MECOM: variants seen among roughly 807,000 people sequenced by gnomAD.
The protein encoded by MECOM is MDS1 and EVI1 complex locus.
In MECOM, 13 loss-of-function variants were observed where a neutral mutation model predicts 116.3. The observed-to-expected ratio is 0.11, with a 90% CI of 0.07 to 0.18. The LOEUF is 0.18. Ranked by LOEUF, MECOM falls within the 10% of genes least tolerant of loss-of-function variation. The pLI, the probability that MECOM is intolerant of heterozygous loss-of-function variation, is 1.00. For synonymous variants in MECOM, 528 were observed against 535.2 expected, an observed-to-expected ratio of 0.99 and a Z score of 0.19; for missense variants, 1,299 against 1,509.0, an observed-to-expected ratio of 0.86 and a Z score of 2.31.
At chr3:169,418,283 G>A (rs1396113870) in intron 1 of MECOM, among the ~76,000 whole-genome samples, 1 of 152,054 alleles carries the variant, frequency 6.6e-6, no homozygotes, top group Non-Finnish European at 1.5e-5. Context: ...AAAAAGCCCA[G>A]GACCAGACAG....
intron 1 of MECOM, among the ~76,000 whole-genome samples, chr3:169,616,066 G>A (rs546888598): frequency 4.6e-5 from 7 of 152,248 alleles, no homozygotes; most frequent in Admixed American, 1.3e-4. Flanking sequence ...AGGGGGAGTC[G>A]CTGTCAGTAA....
At position 169,084,551 on chromosome 3, in the gene MECOM, A is replaced by G; in HGVS notation, c.*358T>C. Reference sequence around the variant, plus strand: ...TTCAGTTTCTATGGAGTGTTCATTCATATCAATGCTGCCATCTCAACTGCC... The same window carrying G: ...TTCAGTTTCTATGGAGTGTTCATTCGTATCAATGCTGCCATCTCAACTGCC... On this transcript the variant is annotated 3_prime_UTR_variant, in exon 17 of 17. Coordinates refer to ENST00000651503, the MANE Select transcript of MECOM (RefSeq NM_004991.4). 3.8e-6 allele frequency: 1 copy of G among 259,930 alleles called. No homozygotes were observed. The highest frequency in any genetic ancestry group is 5.6e-5 in the East Asian group (1 of 17,862). 16.1% of individuals were successfully genotyped at this position (259,930 alleles called of 1,614,324 possible). A position where few individuals can be genotyped will look rare whatever the true frequency, so the allele number is the denominator to read the frequency against.
intron 2 of MECOM, among the ~76,000 whole-genome samples, chr3:169,277,218 G>A (rs1309272266): frequency 6.6e-6 from 1 of 152,178 alleles, no homozygotes; most frequent in Non-Finnish European, 1.5e-5. Context: ...TATTACAGGT[G>A]AAGGGTATTC....
At chr3:169,613,118 A>G (rs1011764861) in intron 1 of MECOM, among the ~76,000 whole-genome samples, 1 of 152,322 alleles carries the variant, frequency 6.6e-6, no homozygotes, top group Non-Finnish European at 1.5e-5. Flanking sequence ...CCACAGTACA[A>G]AAATATTATT....
chr3:169,112,412 G>T (rs1727709504), intron 9 of MECOM, among the ~76,000 whole-genome samples: 1 of 152,088 alleles, frequency 6.6e-6, no homozygotes, highest in African/African-American at 2.4e-5. Context: ...AAAAGAACAA[G>T]AATGACCTTC....
chr3:169,363,469 C>T (rs940500371), intron 2 of MECOM, among the ~76,000 whole-genome samples: 1 of 151,894 alleles, frequency 6.6e-6, no homozygotes, highest in Non-Finnish European at 1.5e-5. Flanking sequence ...CACGTGCGCT[C>T]TTTCTGGTGC....
chr3:169,443,794 C>G (rs1414627777), intron 1 of MECOM, among the ~76,000 whole-genome samples: 1 of 152,166 alleles, frequency 6.6e-6, no homozygotes, highest in Non-Finnish European at 1.5e-5. Context: ...TTCATTTTAG[C>G]AATCGCTCCC....
chr3:169,214,882 TTA>T (rs1484200963), intron 2 of MECOM, among the ~76,000 whole-genome samples: 6 of 147,866 alleles, frequency 4.1e-5, no homozygotes, highest in African/African-American at 1.2e-4. Flanking sequence ...CTAATATCTA[TTA>T]TATATATACA....
At chr3:169,207,383 G>C (rs1351182745) in intron 2 of MECOM, among the ~76,000 whole-genome samples, 1 of 152,180 alleles carries the variant, frequency 6.6e-6, no homozygotes, top group Non-Finnish European at 1.5e-5. Flanking sequence ...TTGAGGTTAA[G>C]CAGAGGATAA....
intron 1 of MECOM, among the ~76,000 whole-genome samples, chr3:169,584,291 C>T (rs1417856029): frequency 2.0e-5 from 3 of 152,006 alleles, no homozygotes; most frequent in South Asian, 2.1e-4. Flanking sequence ...AAAGGCCGGG[C>T]GCGGGGGCTC....
At chr3:169,400,548 A>G (rs1397837313) in intron 1 of MECOM, among the ~76,000 whole-genome samples, 1 of 152,078 alleles carries the variant, frequency 6.6e-6, no homozygotes, top group Non-Finnish European at 1.5e-5. Context: ...GTGGTTTTCT[A>G]TATATATACA....
intron 3 of MECOM, among the ~76,000 whole-genome samples, chr3:169,142,342 T>A (rs1349515080): frequency 6.6e-6 from 1 of 151,968 alleles, no homozygotes; most frequent in Non-Finnish European, 1.5e-5. Context: ...TATTTCATCT[T>A]AAAGCTATCA....
intron 1 of MECOM, among the ~76,000 whole-genome samples, chr3:169,396,417 T>A (rs534817737): frequency 6.6e-6 from 1 of 152,320 alleles, no homozygotes; most frequent in Admixed American, 6.5e-5. Flanking sequence ...CTGTAATTTT[T>A]AAAAATATAA....
intron 1 of MECOM, among the ~76,000 whole-genome samples, chr3:169,419,953 T>C (rs1435161588): frequency 6.6e-6 from 1 of 152,134 alleles, no homozygotes; most frequent in Non-Finnish European, 1.5e-5. Context: ...GCAAAGGATA[T>C]GAACAGACAC....
At chr3:169,111,322 GTAAT>G (rs1210961723) in intron 9 of MECOM, among the ~76,000 whole-genome samples, 1 of 151,944 alleles carries the variant, frequency 6.6e-6, no homozygotes, top group Non-Finnish European at 1.5e-5. Flanking sequence ...CTTGACTACT[GTAAT>G]TAATATTACT....
At chr3:169,529,882 T>A (rs983659466) in intron 1 of MECOM, among the ~76,000 whole-genome samples, 2 of 152,202 alleles carry the variant, frequency 1.3e-5, no homozygotes, top group East Asian at 3.8e-4. Context: ...TGTCAGACAC[T>A]GTGTTGGGCA....
chr3:169,107,909 A>G lies in MECOM; in HGVS notation c.2604+17T>C, dbSNP rs367768608. ...ATGCTACATCACTTTAGTCAAAAATATAAGTAGGAAACTTACCCAAGTTCT... is the reference window on the plus strand; with the variant it reads ...ATGCTACATCACTTTAGTCAAAAATGTAAGTAGGAAACTTACCCAAGTTCT... On this transcript the variant is annotated intron_variant, in intron 10 of 16. Transcript: ENST00000651503. The G allele has an allele frequency of 9.3e-6, 15 of 1,609,530 alleles. No homozygotes were observed. The highest frequency in any genetic ancestry group is 4.5e-5 in the East Asian group (2 of 44,764).
intron 1 of MECOM, among the ~76,000 whole-genome samples, chr3:169,388,306 G>T (rs1577951083): frequency 6.6e-6 from 1 of 152,176 alleles, no homozygotes; most frequent in African/African-American, 2.4e-5. Flanking sequence ...AGGCTTGTTT[G>T]TGAGAAAGCA....
At chr3:169,398,729 C>A (rs1034663593) in intron 1 of MECOM, among the ~76,000 whole-genome samples, 3 of 152,136 alleles carry the variant, frequency 2.0e-5, no homozygotes, top group Non-Finnish European at 4.4e-5. Context: ...GTGAGCAAGA[C>A]CAACAATACT....
Sources: gnomAD v4.1 joint callset for allele counts (sites outside exome capture counted in the v4.1 genomes callset) on GRCh38, gnomAD v4.1.1 for gene constraint, MANE v1.5 for transcripts, NCBI Gene and HGNC (gene_info 2026-07-23, HGNC 2026-07-21) for gene names.